Variants in MTR observed in about 807,000 individuals in gnomAD.
The protein encoded by MTR is methionine synthase.
MTR carries 84 observed loss-of-function variants against 154.8 expected under a neutral mutation model. The observed-to-expected ratio is 0.54, with a 90% CI of 0.45 to 0.65. The LOEUF (loss-of-function observed/expected upper bound fraction) is 0.65, where lower values mean the gene tolerates loss of function less well. Ranked by LOEUF, MTR falls within the 30% of genes least tolerant of loss-of-function variation. MTR has a pLI of 0.00. For synonymous variants in MTR, 554 were observed against 553.9 expected (o/e 1.00, Z 0.00); for missense variants, 1,275 against 1,570.2 (o/e 0.81, Z 3.18).
intron 18 of MTR, among the ~76,000 whole-genome samples, chr1:236,858,006 G>A (rs1361294231): frequency 6.6e-6 from 1 of 152,216 alleles, no homozygotes; most frequent in East Asian, 1.9e-4. Context: ...ATGAACAAAT[G>A]CGAAGGCCTG....
chr1:236,863,307 G>C, intron 21 of MTR, 147 bp from the exon 22 acceptor site: 1 of 736,344 alleles, frequency 1.4e-6, no homozygotes, highest in Non-Finnish European at 2.4e-6. Flanking sequence ...CCTTTGAACT[G>C]TTTGGGCTTC....
chr1:236,891,112 C>T lies in MTR; in HGVS notation c.3008-21C>T, dbSNP rs531439090. 33 of 1,613,728 alleles carry T rather than the reference C, an allele frequency of 2.0e-5. 2 individuals are homozygous for T. In the Middle Eastern group the frequency reaches 4.9e-4, roughly 24 times the overall value. ...TATTTTTGGCATCTTTAAGTGAATT[C>T]TAATTCTGTTTTTCTAATAGGTGGA... On this transcript the variant is annotated intron_variant, in intron 28 of 32. Coordinates refer to ENST00000366577, the MANE Select transcript of MTR (RefSeq NM_000254.3).
chr1:236,887,273 C>T (rs868304070), intron 27 of MTR, among the ~76,000 whole-genome samples: 3 of 152,140 alleles, frequency 2.0e-5, no homozygotes, highest in Non-Finnish European at 2.9e-5. Context: ...CTGAGTTCAG[C>T]GTGGTTTGGT....
chr1:236,887,652 G>A (rs978330915), intron 27 of MTR, among the ~76,000 whole-genome samples: 3 of 152,212 alleles, frequency 2.0e-5, no homozygotes, highest in African/African-American at 4.8e-5. Flanking sequence ...TTTAGTGGCC[G>A]CTTTAACCTC....
At chr1:236,831,817 A>G (rs762033579) in intron 12 of MTR, 149 bp from the exon 13 acceptor site, 4 of 672,290 alleles carry the variant, frequency 5.9e-6, no homozygotes, top group Non-Finnish European at 1.1e-5. Context: ...AGAGACGACT[A>G]TGGCCCTGTT....
At chr1:236,864,074 AC>A (rs986998513) in intron 22 of MTR, among the ~76,000 whole-genome samples, 2 of 151,772 alleles carry the variant, frequency 1.3e-5, no homozygotes, top group African/African-American at 4.8e-5. Flanking sequence ...TACAAGTAAA[AC>A]CCCTTTCTAT....
chr1:236,882,277 T>C (rs937394896), intron 25 of MTR, among the ~76,000 whole-genome samples: 1 of 152,214 alleles, frequency 6.6e-6, no homozygotes, highest in Admixed American at 6.5e-5. Flanking sequence ...AATAGTTTCC[T>C]TTCAGAGGCA....
chr1:236,879,461 T>C (rs1665609719), intron 24 of MTR, among the ~76,000 whole-genome samples: 1 of 152,186 alleles, frequency 6.6e-6, no homozygotes, highest in Non-Finnish European at 1.5e-5. Flanking sequence ...GGGAAGAATA[T>C]GAAAGCACTT....
At chr1:236,886,795 G>A (rs1666033974) in intron 27 of MTR, among the ~76,000 whole-genome samples, 1 of 152,194 alleles carries the variant, frequency 6.6e-6, no homozygotes, top group African/African-American at 2.4e-5. Context: ...TGCCTGGGTG[G>A]TACTGTCACC....
intron 27 of MTR, 65 bp from the exon 28 acceptor site, chr1:236,889,116 G>T (rs2147932278): frequency 6.3e-7 from 1 of 1,596,308 alleles, no homozygotes; most frequent in East Asian, 2.2e-5. Flanking sequence ...TGAGGAGCTG[G>T]CAGGGAGGCC....
chr1:236,804,115 G>A (rs954910043), intron 2 of MTR, among the ~76,000 whole-genome samples: 2 of 152,176 alleles, frequency 1.3e-5, no homozygotes, highest in African/African-American at 4.8e-5. Flanking sequence ...TCTGGTGAGG[G>A]CCCTCTTGTT....
chr1:236,839,790 C>T (rs2103175053), intron 15 of MTR, among the ~76,000 whole-genome samples: 1 of 152,200 alleles, frequency 6.6e-6, no homozygotes. Flanking sequence ...GCTGAGAACA[C>T]TAAATGTCCA....
At chr1:236,844,355 A>ACAGAAGCAGCAG (rs1663437377) in intron 15 of MTR, among the ~76,000 whole-genome samples, 1 of 152,100 alleles carries the variant, frequency 6.6e-6, no homozygotes, top group African/African-American at 2.4e-5. Flanking sequence ...TAGGAGAAGA[A>ACAGAAGCAGCAG]TAGAAGCAGC....
intron 22 of MTR, among the ~76,000 whole-genome samples, chr1:236,867,017 G>A (rs1664858261): frequency 6.6e-6 from 1 of 152,204 alleles, no homozygotes; most frequent in Non-Finnish European, 1.5e-5. Context: ...TGGAGAAGCT[G>A]CAGCAAGTTT....
At chr1:236,863,894 A>C (rs1454349500) in intron 22 of MTR, among the ~76,000 whole-genome samples, 2 of 152,122 alleles carry the variant, frequency 1.3e-5, no homozygotes, top group African/African-American at 4.8e-5. Context: ...AGTGGTGTTC[A>C]TCATATCCTC....
rs763793443 is a variant in MTR at position 236,873,857 on chromosome 1, C to A, written c.2473+17C>A. ...ACAAAGCAGGTACTGTGCAACTATA[C>A]TTTGGGCATTTCTCTAAATGTCATA... On this transcript the variant is annotated intron_variant, in intron 23 of 32. Coordinates refer to ENST00000366577, the MANE Select transcript of MTR (RefSeq NM_000254.3). 6 of 1,611,274 alleles carry A rather than the reference C, an allele frequency of 3.7e-6. No homozygotes were observed. Among genetic ancestry groups the A allele is most frequent in the Non-Finnish European group, 5.1e-6 (6 of 1,177,554 alleles).
At chr1:236,801,281 AAC>A (rs1660686641) in intron 1 of MTR, among the ~76,000 whole-genome samples, 1 of 152,196 alleles carries the variant, frequency 6.6e-6, no homozygotes, top group South Asian at 2.1e-4. Flanking sequence ...AAGTTCAGTA[AAC>A]ACAATTAGCA....
At position 236,889,284 on chromosome 1, in the gene MTR, G is replaced by T; in HGVS notation, c.2955G>T (p.Arg985=). 6.2e-7 allele frequency: 1 copy of T among 1,614,184 alleles called. No homozygotes were observed. Among genetic ancestry groups the T allele is most frequent in the Non-Finnish European group, 8.5e-7 (1 of 1,180,036 alleles). The change falls in exon 28 of 33, where the codon CGG becomes CGT. Residue 985 remains arginine (R), a synonymous_variant. Transcript: ENST00000366577. ...WKPFFDVWQL[R]GKYPNRGFPK... ...CTTTCTTTGATGTCTGGCAGCTCCG[G>T]GGCAAGTACCCGAATCGAGGCTTTC...
Position 236,839,872 on chromosome 1 carries a change from A to G in MTR, c.1515+1273A>G, listed in dbSNP as rs1268404559. On this transcript the variant is annotated intron_variant, in intron 15 of 32. Coordinates refer to ENST00000366577, the MANE Select transcript of MTR (RefSeq NM_000254.3). ...TGCAGCAGTTAAAAAGAATCAGGAG[A>G]TGGAACCATGTCTTCAGTATATTGA... is the stretch of plus-strand genomic sequence containing the variant. Among the ~76,000 whole-genome samples the G allele has an allele frequency of 2.0e-5, 3 of 152,232 alleles. No individual in the cohort carries two copies. In the South Asian group the frequency reaches 6.2e-4, roughly 32 times the overall value.
Sources: gnomAD v4.1 joint callset for allele counts (sites outside exome capture counted in the v4.1 genomes callset) on GRCh38, gnomAD v4.1.1 for gene constraint, MANE v1.5 for transcripts, NCBI Gene and HGNC (gene_info 2026-07-23, HGNC 2026-07-21) for gene names.